EPHB6: variants seen among roughly 807,000 people sequenced by gnomAD.
EPHB6 encodes the protein EPH receptor B6.
A neutral mutation model predicts 107.0 loss-of-function variants in EPHB6; 51 were observed. That is an observed-to-expected ratio of 0.48 (90% CI 0.38 to 0.60). The LOEUF is 0.60. Ranked by LOEUF, EPHB6 falls within the 20% of genes least tolerant of loss-of-function variation. EPHB6 has a pLI of 0.00. For missense variants in EPHB6, 1,141 were observed against 1,355.5 expected (o/e 0.84, Z 2.48); for synonymous variants, 553 against 549.0 (o/e 1.01, Z -0.10).
At position 142,866,664 on chromosome 7, in the gene EPHB6, G is replaced by A. The variant is rs2116451356; in HGVS notation, c.1587+59G>A. On this transcript the variant is annotated intron_variant, in intron 10 of 19. Transcript: ENST00000652003. The surrounding 1 kb of genome is among the most constrained non-coding windows in gnomAD (Gnocchi z 5.2). ...CTGGTAGGAGCTCATAGGCCTCACA[G>A]TGGGGCCCAGAGGTGACCAGGTGCA... 3 of 1,612,634 alleles carry A rather than the reference G, an allele frequency of 1.9e-6. No individual in the cohort carries two copies. The highest frequency in any genetic ancestry group is 2.5e-6 in the Non-Finnish European group (3 of 1,179,906).
intron 7 of EPHB6, 133 bp downstream of exon 7, chr7:142,864,882 G>A: frequency 8.9e-7 from 1 of 1,118,866 alleles, no homozygotes; most frequent in Non-Finnish European, 1.3e-6. Context: ...AAAGGACCCT[G>A]ATTTTCCCTA....
Position 142,863,169 on chromosome 7 carries a change from A to G in EPHB6, c.-59A>G. 6.7e-7 allele frequency: 1 copy of G among 1,487,608 alleles called. No individual in the cohort carries two copies. The highest frequency in any genetic ancestry group is 9.4e-7 in the Non-Finnish European group (1 of 1,069,130). 92.2% of individuals were successfully genotyped at this position (1,487,608 alleles called of 1,614,324 possible). ...ACACCCTGAGTCTTGCAAAAGCTGC[A>G]GCCCCACCCAGGAGCAGGGTGGTGG... is the stretch of plus-strand genomic sequence containing the variant. On this transcript the variant is annotated 5_prime_UTR_variant, in exon 5 of 20. Coordinates refer to ENST00000652003, the MANE Select transcript of EPHB6 (RefSeq NM_004445.6).
rs751723077 is a variant in EPHB6, at chr7:142,868,313, G to T, written c.1991G>T (p.Arg664Leu). 6.2e-7 allele frequency: 1 copy of T among 1,614,104 alleles called. No individual in the cohort carries two copies. Among genetic ancestry groups the T allele is most frequent in the Non-Finnish European group, 8.5e-7 (1 of 1,180,012 alleles). The change falls in exon 14 of 20, where the codon CGG (arginine) becomes CTG (leucine). Residue 664 changes from arginine (R) to leucine (L), a missense_variant. By Grantham distance (102) the Arg-to-Leu change is moderately radical. Around this residue, in one of 3 missense-constraint regions of EPHB6, gnomAD observed 616 missense variants for 759.3 expected, o/e 0.81. Coordinates refer to ENST00000652003, the MANE Select transcript of EPHB6 (RefSeq NM_004445.6). The surrounding 1 kb of genome is among the most constrained non-coding windows in gnomAD (Gnocchi z 4.2). ...DPCQAIRELAREVDPAYIKIE... is the reference protein window; with the variant it reads ...DPCQAIRELALEVDPAYIKIE... The stretch of plus-strand genomic sequence containing the variant: ...TGTCAGGCCATCCGAGAACTTGCCC[G>T]GGAAGTCGATCCTGCTTATATCAAG...
rs751454757 is a variant in EPHB6 at position 142,869,138 on chromosome 7, C to G, written c.2451C>G (p.His817Gln). 3.7e-6 allele frequency: 6 copies of G among 1,613,190 alleles called. No homozygotes were observed. The highest frequency in any genetic ancestry group is 5.1e-6 in the Non-Finnish European group (6 of 1,179,832). ...HLVCKVARLG[H>Q]SPQGPSCLLR... ...TGTGCAAGGTGGCCCGTCTTGGCCACAGTCCTCAGGTGAGAGCACAGCCTT... is the reference window on the plus strand; with the variant it reads ...TGTGCAAGGTGGCCCGTCTTGGCCAGAGTCCTCAGGTGAGAGCACAGCCTT... Residue 817 changes from histidine to glutamine, a missense_variant, in exon 16 of 20, where the codon CAC (histidine) becomes CAG (glutamine). Physicochemically the swap from His to Gln is conservative, Grantham distance 24. Transcript: ENST00000652003. This position sits in a 1 kb window ranked among gnomAD's most constrained non-coding sequence, Gnocchi z 4.5.
chr7:142,861,292 C>T (rs1045290962), intron 2 of EPHB6, 106 bp downstream of exon 2: 2 of 152,130 alleles, frequency 1.3e-5, no homozygotes, highest in African/African-American at 4.8e-5. Context: ...TCTGAGAAGC[C>T]ATTATGAGGA....
intron 1 of EPHB6, among the ~76,000 whole-genome samples, chr7:142,856,691 C>T (rs1350764123): frequency 1.3e-5 from 2 of 152,254 alleles, no homozygotes; most frequent in Non-Finnish European, 2.9e-5. Flanking sequence ...CCCCACTTGG[C>T]TCCCTCTCCC....
In EPHB6 at chr7:142,865,472, C is replaced by T. The variant is rs1450194580; in HGVS notation, c.950-3C>T. The T allele has an allele frequency of 1.2e-6, 2 of 1,613,038 alleles. No homozygotes were observed. The highest frequency in any genetic ancestry group is 1.7e-6 in the Non-Finnish European group (2 of 1,179,994). ...ACGCCCCCACTCTCCTCTGCCTCCT[C>T]AGCCTGCCCACGGGGGCTCTATAAG... On this transcript the variant is annotated splice_region_variant and splice_polypyrimidine_tract_variant and intron_variant, in intron 7 of 19. Transcript: ENST00000652003.
chr7:142,863,088 C>G (rs1034813370), intron 4 of EPHB6, 39 bp from the exon 5 acceptor site: 11 of 685,484 alleles, frequency 1.6e-5, no homozygotes, highest in Admixed American at 1.1e-4. Flanking sequence ...GAAACACTTT[C>G]TTCCCACCTG....
rs1191178441 is a variant in EPHB6, at chr7:142,864,000, G to A, written c.200G>A (p.Arg67His). The A allele has an allele frequency of 8.7e-6, 14 of 1,614,064 alleles. No individual in the cohort carries two copies. Among genetic ancestry groups the A allele is most frequent in the South Asian group, 2.2e-5 (2 of 91,082 alleles). The change falls in exon 7 of 20, where the codon CGC (arginine) becomes CAC (histidine). Residue 67 changes from arginine to histidine, a missense_variant. Physicochemically the swap from Arg to His is conservative, Grantham distance 29 (BLOSUM62 0). Coordinates refer to ENST00000652003, the MANE Select transcript of EPHB6 (RefSeq NM_004445.6). ...DEVSVLDDQR[R>H]LTRTFEACHV... is the part of the protein sequence containing the mutation. ...GTGAGTGTTCTGGACGACCAGCGAC[G>A]CCTGACTCGGACCTTTGAGGCATGT...
In EPHB6 at chr7:142,868,885, CG is replaced by C. The variant is rs1794752138; in HGVS notation, c.2287-88del. ...GCCATTTTCTGATTCGACACCCTCC[CG>C]CTCTCATGCTGTTGTCTGCTATGCA... On this transcript the variant is annotated intron_variant, in intron 15 of 19. Transcript: ENST00000652003. The surrounding 1 kb of genome is among the most constrained non-coding windows in gnomAD (Gnocchi z 4.2). 2.6e-5 allele frequency: 41 copies of C among 1,586,248 alleles called. No individual in the cohort carries two copies. The highest frequency in any genetic ancestry group is 3.4e-5 in the Non-Finnish European group (40 of 1,167,904).
At chr7:142,862,947 A>G (rs1802913245) in intron 4 of EPHB6, 114 bp downstream of exon 4, 1 of 510,408 alleles carries the variant, frequency 2.0e-6, no homozygotes, top group African/African-American at 1.9e-5. Flanking sequence ...AAGATGGTCA[A>G]ATGTGCACCG....
rs780569137 is a variant in EPHB6 at position 142,864,492 on chromosome 7, A to G, written c.692A>G (p.Tyr231Cys). ...CTGGTCGCTGTCAGGCTCTTCTCCT[A>G]CACCTGCCCTGCCGTGCTCCGATCC... ...LALVAVRLFS[Y>C]TCPAVLRSFA... Residue 231 changes from tyrosine to cysteine, a missense_variant, in exon 7 of 20, where the codon TAC becomes TGC. By Grantham distance (194) the Tyr-to-Cys change is radical (BLOSUM62 -2). This residue lies in a region of EPHB6 where 304 missense variants were observed against 295.7 expected (regional missense o/e 1.03). Transcript: ENST00000652003. 4 of 1,613,126 alleles carry G rather than the reference A, an allele frequency of 2.5e-6. No individual in the cohort carries two copies. In the South Asian group the frequency reaches 4.4e-5, roughly 18 times the overall value.
Position 142,867,699 on chromosome 7 carries a change from C to A in EPHB6, c.1842C>A (p.Thr614=), listed in dbSNP as rs140313201. The A allele has an allele frequency of 6.2e-7, 1 of 1,612,774 alleles. No individual in the cohort carries two copies. The highest frequency in any genetic ancestry group is 2.2e-5 in the East Asian group (1 of 44,876). The part of the protein sequence containing the change: ...ALAFLLLAAI[T]VLAVVFQRKR... ...CCTTCCTCCTGCTGGCAGCCATCAC[C>A]GTGCTGGCGGTCGTCTTCCAGCGGT... The change falls in exon 12 of 20, where the codon ACC becomes ACA. Residue 614 remains threonine (T), a synonymous_variant. Transcript: ENST00000652003. The surrounding 1 kb of genome is among the most constrained non-coding windows in gnomAD (Gnocchi z 5.3).
intron 8 of EPHB6, 77 bp from the exon 9 acceptor site, chr7:142,865,883 C>G: frequency 6.7e-7 from 1 of 1,493,738 alleles, no homozygotes; most frequent in Admixed American, 1.7e-5. Context: ...CCCACCCTCC[C>G]CTGGCTCCTT....
chr7:142,855,341 G>A lies in EPHB6; in HGVS notation c.-476G>A, dbSNP rs949651773. ...TCCAGGAGCCCCGGGTCCACTGCGA[G>A]GCCTCGGGGGGCGCAGACCTGCAGA... On this transcript the variant is annotated 5_prime_UTR_variant, in exon 1 of 20. Coordinates refer to ENST00000652003, the MANE Select transcript of EPHB6 (RefSeq NM_004445.6). This position sits in a 1 kb window ranked among gnomAD's most constrained non-coding sequence, Gnocchi z 4.2. 2.0e-5 allele frequency: 3 copies of A among 152,378 alleles called. No individual in the cohort carries two copies. The East Asian group carries it at 5.8e-4, about 30-fold the overall frequency. The allele number at this position is 152,378 out of a possible 1,614,324, so 9.4% of individuals were successfully genotyped here.
Position 142,869,006 on chromosome 7 carries a change from G to C in EPHB6, c.2319G>C (p.Leu773=), listed in dbSNP as rs1384920514. The change falls in exon 16 of 20, where the codon CTG becomes CTC. Residue 773 remains leucine (L), a synonymous_variant. Transcript: ENST00000652003. The surrounding 1 kb of genome is among the most constrained non-coding windows in gnomAD (Gnocchi z 4.5). ...QREGQFSSLQ[L]VAMQRGVAAA... is the part of the protein sequence containing the mutation. Reference sequence around the variant, plus strand: ...AGGGCCAGTTCAGCAGCCTGCAGCTGGTGGCCATGCAGCGGGGAGTGGCTG... The same window carrying C: ...AGGGCCAGTTCAGCAGCCTGCAGCTCGTGGCCATGCAGCGGGGAGTGGCTG... The C allele has an allele frequency of 6.2e-7, 1 of 1,611,584 alleles. No homozygotes were observed. Among genetic ancestry groups the C allele is most frequent in the East Asian group, 2.2e-5 (1 of 44,880 alleles).
Position 142,869,056 on chromosome 7 carries a change from T to G in EPHB6, c.2369T>G (p.Phe790Cys). 1 of 1,613,592 alleles carries G rather than the reference T, an allele frequency of 6.2e-7. No individual in the cohort carries two copies. The highest frequency in any genetic ancestry group is 8.5e-7 in the Non-Finnish European group (1 of 1,180,012). The change falls in exon 16 of 20, where the codon TTT becomes TGT. Residue 790 changes from phenylalanine to cysteine, a missense_variant. This residue lies in a region of EPHB6 where 616 missense variants were observed against 759.3 expected (regional missense o/e 0.81). Transcript: ENST00000652003. The surrounding 1 kb of genome is among the most constrained non-coding windows in gnomAD (Gnocchi z 4.5). ...VAAAMQYLSS[F>C]AFVHRSLSAH... ...GCTGCCATGCAGTACCTGTCCAGCT[T>G]TGCCTTCGTCCATCGCTCGCTGTCT...
intron 1 of EPHB6, among the ~76,000 whole-genome samples, chr7:142,858,505 G>A (rs1234312554): frequency 1.0e-4 from 13 of 128,790 alleles, no homozygotes; most frequent in Non-Finnish European, 1.6e-4. Flanking sequence ...GCACGATCTC[G>A]GCTCACTGCA....
chr7:142,866,836 C>T lies in EPHB6; in HGVS notation c.1588-70C>T. On this transcript the variant is annotated intron_variant, in intron 10 of 19. Coordinates refer to ENST00000652003, the MANE Select transcript of EPHB6 (RefSeq NM_004445.6). The surrounding 1 kb of genome is among the most constrained non-coding windows in gnomAD (Gnocchi z 5.2). The stretch of plus-strand genomic sequence containing the variant: ...GAGCCCTGTCAACCAGGGAGGGTGG[C>T]TGGGGGCCTTAGGGGCAGAAGCAGG... 1 of 1,612,078 alleles carries T rather than the reference C, an allele frequency of 6.2e-7. No individual in the cohort carries two copies. The highest frequency in any genetic ancestry group is 1.1e-5 in the South Asian group (1 of 91,026).
Sources: gnomAD v4.1 joint callset for allele counts (sites outside exome capture counted in the v4.1 genomes callset) on GRCh38, gnomAD v4.1.1 for gene constraint, gnomAD v4.1.1 regional missense constraint, Gnocchi (gnomAD v3.1) non-coding constraint, MANE v1.5 for transcripts, NCBI Gene and HGNC (gene_info 2026-07-23, HGNC 2026-07-21) for gene names.